PDLIM3: variants seen among roughly 807,000 people sequenced by gnomAD.
PDLIM3 encodes PDZ and LIM domain 3.
In PDLIM3, 36 loss-of-function variants were observed where a neutral mutation model predicts 37.3. That is an observed-to-expected ratio of 0.97 (90% CI 0.74 to 1.28). The LOEUF (loss-of-function observed/expected upper bound fraction) is 1.28. Among genes scored for constraint, PDLIM3 ranks in the 50% most tolerant of loss-of-function variants. PDLIM3 has a pLI of 0.00. For synonymous variants in PDLIM3, 174 were observed against 182.4 expected (o/e 0.95, Z 0.37); for missense variants, 454 against 485.0 (o/e 0.94, Z 0.60).
In PDLIM3 at chr4:185,502,210, A is replaced by G. The variant is rs2095688076; in HGVS notation, c.*84T>C. On this transcript the variant is annotated 3_prime_UTR_variant, in exon 8 of 8. Transcript: ENST00000284767. ...TAGATTTGGAGTTGACAATCTGCAC[A>G]ATCCTTCTGCCCAAAGCCATGAATG... 9 of 1,372,304 alleles carry G rather than the reference A, an allele frequency of 6.6e-6. No individual in the cohort carries two copies. The highest frequency in any genetic ancestry group is 2.1e-6 in the Non-Finnish European group (2 of 962,398). The allele number at this position is 1,372,304 out of a possible 1,614,324, so 85.0% of individuals were successfully genotyped here. A position where few individuals can be genotyped will look rare whatever the true frequency, so the allele number is the denominator to read the frequency against.
chr4:185,505,488 G>A (rs2095695156), intron 6 of PDLIM3, among the ~76,000 whole-genome samples: 1 of 152,138 alleles, frequency 6.6e-6, no homozygotes, highest in Admixed American at 6.5e-5. Context: ...GGGCGCGGTG[G>A]TGGGTGCCTG....
intron 1 of PDLIM3, among the ~76,000 whole-genome samples, chr4:185,534,300 A>G (rs1055366173): frequency 4.6e-5 from 7 of 152,242 alleles, no homozygotes; most frequent in Non-Finnish European, 8.8e-5. Flanking sequence ...CAATCAGATT[A>G]TAACACATAC....
intron 4 of PDLIM3, chr4:185,513,719 A>C (rs2095710298): frequency 9.9e-7 from 1 of 1,013,350 alleles, no homozygotes; most frequent in Admixed American, 5.1e-5. Flanking sequence ...TCCTGAAGTC[A>C]CTGTTTCCTG....
chr4:185,532,229 G>C (rs1274359657), intron 1 of PDLIM3, among the ~76,000 whole-genome samples: 2 of 152,198 alleles, frequency 1.3e-5, no homozygotes, highest in Non-Finnish European at 2.9e-5. Context: ...GAACAATCTA[G>C]TCAATCATTC....
At position 185,514,093 on chromosome 4, in the gene PDLIM3, A is replaced by G. The variant is rs555901492; in HGVS notation, c.398+177T>C. On this transcript the variant is annotated intron_variant, in intron 4 of 7. Coordinates refer to ENST00000284767, the MANE Select transcript of PDLIM3 (RefSeq NM_014476.6). This position sits in a 1 kb window ranked among gnomAD's most constrained non-coding sequence, Gnocchi z 4.0. The stretch of plus-strand genomic sequence containing the variant: ...ATCTTGTCAATATTTACTCTTGGAA[A>G]TGCAAGTTATTTGGCTTCTGTTCTC... 2.0e-6 allele frequency: 3 copies of G among 1,499,012 alleles called. No homozygotes were observed. In the African/African-American group the frequency reaches 4.2e-5, roughly 21 times the overall value. 92.9% of individuals were successfully genotyped at this position (1,499,012 alleles called of 1,614,324 possible).
chr4:185,514,867 C>T lies in PDLIM3; in HGVS notation c.331-530G>A. 1.9e-6 allele frequency: 3 copies of T among 1,551,378 alleles called. No individual in the cohort carries two copies. Among genetic ancestry groups the T allele is most frequent in the South Asian group, 1.2e-5 (1 of 84,022 alleles). On this transcript the variant is annotated intron_variant, in intron 3 of 7. Coordinates refer to ENST00000284767, the MANE Select transcript of PDLIM3 (RefSeq NM_014476.6). This position sits in a 1 kb window ranked among gnomAD's most constrained non-coding sequence, Gnocchi z 4.0. Reference sequence around the variant, plus strand: ...CAAAAGGCTGGGCCCTTCTGTTGTGCGCGGTACCAATGGGTTTGAATTCCT... The same window carrying T: ...CAAAAGGCTGGGCCCTTCTGTTGTGTGCGGTACCAATGGGTTTGAATTCCT...
intron 1 of PDLIM3, among the ~76,000 whole-genome samples, chr4:185,534,786 A>T (rs112537365): frequency 6.6e-6 from 1 of 152,168 alleles, no homozygotes; most frequent in Non-Finnish European, 1.5e-5. Context: ...CATTAGGAAG[A>T]CTTCCCCTGT....
chr4:185,514,531 T>A lies in PDLIM3; in HGVS notation c.331-194A>T. The A allele has an allele frequency of 3.9e-6, 5 of 1,291,750 alleles. No individual in the cohort carries two copies. The highest frequency in any genetic ancestry group is 2.5e-5 in the East Asian group (1 of 39,616). The allele number at this position is 1,291,750 out of a possible 1,614,324, so 80.0% of individuals were successfully genotyped here. ...CGCTAAACGGTCAGGCACTGGCGGA[T>A]TGGACCCCACAACAATTAGAACATG... On this transcript the variant is annotated intron_variant, in intron 3 of 7. Coordinates refer to ENST00000284767, the MANE Select transcript of PDLIM3 (RefSeq NM_014476.6). The surrounding 1 kb of genome is among the most constrained non-coding windows in gnomAD (Gnocchi z 4.0).
Position 185,535,330 on chromosome 4 carries a change from G to A in PDLIM3, c.93+12C>T. On this transcript the variant is annotated intron_variant, in intron 1 of 7. Transcript: ENST00000284767. ...CCCACCTCGCAGCAAAAGCAAGAAT[G>A]CCGACACCTACCCTGGTGATGACCA... 6.2e-7 allele frequency: 1 copy of A among 1,600,994 alleles called. No individual in the cohort carries two copies. The highest frequency in any genetic ancestry group is 1.1e-5 in the South Asian group (1 of 89,050).
At chr4:185,508,201 C>G in intron 5 of PDLIM3, 98 bp downstream of exon 5, 1 of 1,198,064 alleles carries the variant, frequency 8.3e-7, no homozygotes, top group Non-Finnish European at 1.2e-6. Flanking sequence ...TTTCACATAG[C>G]TTTCTTTCCA....
chr4:185,502,915 T>G (rs2095689535), intron 7 of PDLIM3, among the ~76,000 whole-genome samples: 1 of 152,084 alleles, frequency 6.6e-6, no homozygotes, highest in African/African-American at 2.4e-5. Context: ...CAGCCTCTAT[T>G]CAATGGAGCA....
At position 185,514,288 on chromosome 4, in the gene PDLIM3, A is replaced by ATT; in HGVS notation, c.379_380insAA (p.Val127GlufsTer2). The ATT allele has an allele frequency of 6.2e-7, 1 of 1,614,224 alleles. No individual in the cohort carries two copies. Among genetic ancestry groups the ATT allele is most frequent in the Non-Finnish European group, 8.5e-7 (1 of 1,180,044 alleles). ...TTATGACCTGCTTCGGCCCGGGATC[A>ATT]CGAAAGGTTTGGGCCGAATATTATG... On this transcript the variant is annotated frameshift_variant, in exon 4 of 8. Transcript: ENST00000284767. LOFTEE classifies it high-confidence loss of function. This position sits in a 1 kb window ranked among gnomAD's most constrained non-coding sequence, Gnocchi z 4.0.
chr4:185,505,637 AAAT>A (rs1009726711), intron 6 of PDLIM3, among the ~76,000 whole-genome samples: 11 of 151,824 alleles, frequency 7.2e-5, no homozygotes, highest in African/African-American at 2.4e-4. Context: ...AAAAAAAAAA[AAAT>A]AAAGAATCTG....
rs794729096 is a variant in PDLIM3, at chr4:185,508,388, A to G, written c.573T>C (p.Asn191=). 1 of 1,614,146 alleles carries G rather than the reference A, an allele frequency of 6.2e-7. No individual in the cohort carries two copies. Among genetic ancestry groups the G allele is most frequent in the Non-Finnish European group, 8.5e-7 (1 of 1,179,982 alleles). Residue 191 remains asparagine, a synonymous_variant, in exon 5 of 8, where the codon AAT becomes AAC. Transcript: ENST00000284767. ...CATCTGAGTACAACTGCATAGGTGT[A>G]TTAAACTGAGCATGTACAATCTTCA... ...PGVKIVHAQF[N]TPMQLYSDDN...
chr4:185,527,903 A>T (rs2095737019), intron 1 of PDLIM3, among the ~76,000 whole-genome samples: 1 of 152,126 alleles, frequency 6.6e-6, no homozygotes, highest in African/African-American at 2.4e-5. Flanking sequence ...ATATATTTTT[A>T]AAAAGCTAGG....
rs2153340633 is a variant in PDLIM3, at chr4:185,535,422, C to T, written c.13G>A (p.Val5Met). 6.3e-7 allele frequency: 1 copy of T among 1,598,756 alleles called. No individual in the cohort carries two copies. The highest frequency in any genetic ancestry group is 2.3e-5 in the East Asian group (1 of 43,748). ...CAGGGCGCAGGGCCCGGGAGGATCA[C>T]CGTCTGGGGCATGCCGCCTTCCTCC... is the stretch of plus-strand genomic sequence containing the variant. Reference protein sequence around the residue: MPQTVILPGPAPWGF... With the variant: MPQTMILPGPAPWGF... Residue 5 changes from valine (V) to methionine (M), a missense_variant, in exon 1 of 8, where the codon GTG becomes ATG. By Grantham distance (21) the Val-to-Met change is conservative (BLOSUM62 1). Coordinates refer to ENST00000284767, the MANE Select transcript of PDLIM3 (RefSeq NM_014476.6).
chr4:185,519,061 T>C (rs1335509491), intron 3 of PDLIM3, among the ~76,000 whole-genome samples: 1 of 152,214 alleles, frequency 6.6e-6, no homozygotes, highest in Admixed American at 6.5e-5. Flanking sequence ...TTCATTAACA[T>C]ACTCTTAGTC....
At chr4:185,517,790 GCTTTTAGAGT>G (rs1338180894) in intron 3 of PDLIM3, 1 of 146,556 alleles carries the variant, frequency 6.8e-6, no homozygotes, top group Non-Finnish European at 1.5e-5. Flanking sequence ...TAGTTTATGG[GCTTTTAGAGT>G]CATTCCAAAA....
chr4:185,534,282 G>A (rs2095749612), intron 1 of PDLIM3, among the ~76,000 whole-genome samples: 1 of 152,174 alleles, frequency 6.6e-6, no homozygotes, highest in Non-Finnish European at 1.5e-5. Flanking sequence ...AAATCTGTAT[G>A]AGCAGATCAA....
Sources: gnomAD v4.1 joint callset for allele counts (sites outside exome capture counted in the v4.1 genomes callset) on GRCh38, gnomAD v4.1.1 for gene constraint, Gnocchi (gnomAD v3.1) non-coding constraint, MANE v1.5 for transcripts, NCBI Gene and HGNC (gene_info 2026-07-23, HGNC 2026-07-21) for gene names.